Variants in TJAP1 observed in about 807,000 individuals in gnomAD.
TJAP1 encodes the protein tight junction associated protein 1.
In TJAP1, 27 loss-of-function variants were observed where a neutral mutation model predicts 42.0. The observed-to-expected ratio is 0.64, with a 90% confidence interval of 0.47 to 0.89. The LOEUF (loss-of-function observed/expected upper bound fraction) is 0.89, where lower values mean the gene tolerates loss of function less well. TJAP1 is among the 40% of genes least tolerant of loss of function. The probability of loss-of-function intolerance (pLI) is 0.00; values close to 1 mark genes in which losing one functional copy is unlikely to be tolerated. For missense variants in TJAP1, 712 were observed against 726.9 expected (o/e 0.98, Z 0.24); for synonymous variants, 257 against 288.4 (o/e 0.89, Z 1.10).
In TJAP1 at chr6:43,505,184, T is replaced by C; in HGVS notation, c.1003T>C (p.Ser335Pro). Residue 335 changes from serine (S) to proline (P), a missense_variant, in exon 11 of 11, where the codon TCT (serine) becomes CCT (proline). Around this residue, in one of 3 missense-constraint regions of TJAP1, gnomAD observed 549 missense variants for 528.2 expected, o/e 1.04. Transcript: ENST00000372449. This position sits in a 1 kb window ranked among gnomAD's most constrained non-coding sequence, Gnocchi z 5.5. ...TCCTGGCCGCAGGGTAATAGAGTTC[T>C]CTGAGGATAAGGTTCGGATCCCCCG... 1 of 1,614,192 alleles carries C rather than the reference T, an allele frequency of 6.2e-7. No individual in the cohort carries two copies. Among genetic ancestry groups the C allele is most frequent in the Non-Finnish European group, 8.5e-7 (1 of 1,180,036 alleles).
At chr6:43,498,483 G>C (rs1433941762) in intron 3 of TJAP1, among the ~76,000 whole-genome samples, 2 of 152,188 alleles carry the variant, frequency 1.3e-5, no homozygotes, top group Non-Finnish European at 1.5e-5. Flanking sequence ...CCAGGAGGTC[G>C]AGGCTGCAGT....
At position 43,491,972 on chromosome 6, in the gene TJAP1, G is replaced by A. The variant is rs936726331; in HGVS notation, c.-121-5909G>A. ...TGGAGTTGAGGCCTGGTTGAGGGCC[G>A]GTCCTTCACTTTGGCCTTTCTTAGG... On this transcript the variant is annotated intron_variant, in intron 2 of 10. Transcript: ENST00000372449. The surrounding 1 kb of genome is among the most constrained non-coding windows in gnomAD (Gnocchi z 4.6). 7.9e-5 allele frequency among the ~76,000 whole-genome samples: 12 copies of A among 152,214 alleles called. No individual in the cohort carries two copies. Among genetic ancestry groups the A allele is most frequent in the African/African-American group, 1.7e-4 (7 of 41,456 alleles).
In TJAP1 at chr6:43,505,577, G is replaced by T. The variant is rs1389624855; in HGVS notation, c.1396G>T (p.Glu466Ter). 3 of 1,613,596 alleles carry T rather than the reference G, an allele frequency of 1.9e-6. No homozygotes were observed. The African/African-American group carries it at 4.0e-5, about 22-fold the overall frequency. The change falls in exon 11 of 11, where the codon GAG (glutamate) becomes TAG (stop). Residue 466 changes from glutamate (E) to a stop codon, truncating the protein, a stop_gained. Coordinates refer to ENST00000372449, the Ensembl canonical transcript of TJAP1. LOFTEE classifies it high-confidence loss of function. The surrounding 1 kb of genome is among the most constrained non-coding windows in gnomAD (Gnocchi z 5.5). ...CCAGGCACCTTCTGCCCGACCCGAA[G>T]AGAGTGAGCTTTTGCTACCCACAGA...
chr6:43,495,606 T>TC lies in TJAP1; in HGVS notation c.-121-2274dup, dbSNP rs1788926212. On this transcript the variant is annotated intron_variant, in intron 2 of 10. Transcript: ENST00000372449. The surrounding 1 kb of genome is among the most constrained non-coding windows in gnomAD (Gnocchi z 4.6). ...GGGAGTGGTTTCCCATACCTGTAAC[T>TC]CTGACATGCGTGGAAAGAATAGGCT... Among the ~76,000 whole-genome samples the TC allele has an allele frequency of 6.6e-6, 1 of 151,498 alleles. No individual in the cohort carries two copies. Among genetic ancestry groups the TC allele is most frequent in the South Asian group, 2.1e-4 (1 of 4,820 alleles).
At chr6:43,481,149 G>C (rs1299470761) in intron 2 of TJAP1, among the ~76,000 whole-genome samples, 2 of 152,122 alleles carry the variant, frequency 1.3e-5, no homozygotes, top group African/African-American at 4.8e-5. Flanking sequence ...ATGTTTAGGG[G>C]CTGAGTTTTT....
chr6:43,501,757 CACTCTCTCT>C lies in TJAP1; in HGVS notation c.290+71_290+79del, dbSNP rs1237884039. The C allele has an allele frequency of 7.3e-4, 464 of 635,302 alleles. 1 individual carries two copies. Among genetic ancestry groups the C allele is most frequent in the South Asian group, 2.3e-3 (139 of 60,504 alleles). The allele number at this position is 635,302 out of a possible 1,614,324, so 39.4% of individuals were successfully genotyped here. On this transcript the variant is annotated intron_variant, in intron 6 of 10. Coordinates refer to ENST00000372449, the Ensembl canonical transcript of TJAP1. ...ACACACACACACACACACACACACACACTCTCTCTGTCTCTCTCTCTCTCTGTGTCTCTG... is the reference window on the plus strand; with the variant it reads ...ACACACACACACACACACACACACACGTCTCTCTCTCTCTCTGTGTCTCTG...
At chr6:43,487,033 C>T (rs1223764438) in intron 2 of TJAP1, among the ~76,000 whole-genome samples, 1 of 152,130 alleles carries the variant, frequency 6.6e-6, no homozygotes, top group Non-Finnish European at 1.5e-5. Flanking sequence ...GTGAGCCAGC[C>T]AGACTGGATT....
chr6:43,499,257 G>C, intron 4 of TJAP1, 157 bp downstream of exon 4: 1 of 1,137,836 alleles, frequency 8.8e-7, no homozygotes, highest in Non-Finnish European at 1.2e-6. Flanking sequence ...AGTAGTGCAG[G>C]TGGGGGTAAT....
chr6:43,503,785 C>T, intron 10 of TJAP1, 79 bp downstream of exon 10: 2 of 1,275,386 alleles, frequency 1.6e-6, no homozygotes, highest in Non-Finnish European at 2.3e-6. Context: ...AGTTTCTGCA[C>T]CTCTCTCTGT....
chr6:43,502,865 G>C, intron 8 of TJAP1: 1 of 581,766 alleles, frequency 1.7e-6, no homozygotes. Context: ...AAGCTTCTTG[G>C]CTCCAGTGGC....
At chr6:43,502,518 T>C in intron 7 of TJAP1, 70 bp from the exon 8 acceptor site, 1 of 1,537,174 alleles carries the variant, frequency 6.5e-7, no homozygotes, top group Non-Finnish European at 8.8e-7. Context: ...GTCTTAATGC[T>C]CACACTGTTT....
chr6:43,500,618 C>A, intron 4 of TJAP1, 126 bp from the exon 5 acceptor site: 1 of 1,002,710 alleles, frequency 1.0e-6, no homozygotes, highest in Non-Finnish European at 1.6e-6. Context: ...GAGAGCCCTG[C>A]AGCCCTCTTC....
intron 8 of TJAP1, chr6:43,503,148 C>G: frequency 1.9e-6 from 1 of 536,456 alleles, no homozygotes; most frequent in Non-Finnish European, 3.3e-6. Context: ...AGGGGATGGA[C>G]AGCTCTTATA....
intron 5 of TJAP1, 140 bp downstream of exon 5, chr6:43,500,912 A>G (rs112550823): frequency 1.1e-6 from 1 of 934,226 alleles, no homozygotes; most frequent in Non-Finnish European, 1.7e-6. Flanking sequence ...GGACTCTGGG[A>G]GGAGTGTTGA....
chr6:43,487,487 A>AT (rs1786790388), intron 2 of TJAP1, among the ~76,000 whole-genome samples: 1 of 152,046 alleles, frequency 6.6e-6, no homozygotes, highest in Admixed American at 6.6e-5. Context: ...TTGCACTGGT[A>AT]TTGGAGACAG....
chr6:43,493,146 TC>T (rs754086252), intron 2 of TJAP1, among the ~76,000 whole-genome samples: 4 of 152,222 alleles, frequency 2.6e-5, no homozygotes, highest in South Asian at 4.1e-4. Flanking sequence ...ATTACTAACT[TC>T]CGTTTGACTT....
At position 43,491,987 on chromosome 6, in the gene TJAP1, C is replaced by A. The variant is rs1256696520; in HGVS notation, c.-121-5894C>A. Among the ~76,000 whole-genome samples the A allele has an allele frequency of 6.6e-6, 1 of 152,192 alleles. No individual in the cohort carries two copies. Among genetic ancestry groups the A allele is most frequent in the Non-Finnish European group, 1.5e-5 (1 of 68,028 alleles). On this transcript the variant is annotated intron_variant, in intron 2 of 10. Coordinates refer to ENST00000372449, the Ensembl canonical transcript of TJAP1. This position sits in a 1 kb window ranked among gnomAD's most constrained non-coding sequence, Gnocchi z 4.6. Reference sequence around the variant, plus strand: ...GTTGAGGGCCGGTCCTTCACTTTGGCCTTTCTTAGGAGAGGGCATGGGGTC... The same window carrying A: ...GTTGAGGGCCGGTCCTTCACTTTGGACTTTCTTAGGAGAGGGCATGGGGTC...
Position 43,503,725 on chromosome 6 carries a change from C to T in TJAP1, c.579+19C>T. ...TGCCGATGTGAGTAGAACTCACCCC[C>T]TCCCTGCCCACATAGACCATTCCGG... is the stretch of plus-strand genomic sequence containing the variant. On this transcript the variant is annotated intron_variant, in intron 10 of 10. Coordinates refer to ENST00000372449, the Ensembl canonical transcript of TJAP1. The T allele has an allele frequency of 6.2e-7, 1 of 1,608,262 alleles. No individual in the cohort carries two copies. The highest frequency in any genetic ancestry group is 1.7e-4 in the Middle Eastern group (1 of 6,048).
chr6:43,490,544 C>G (rs1031132757), intron 2 of TJAP1, among the ~76,000 whole-genome samples: 7 of 152,190 alleles, frequency 4.6e-5, no homozygotes, highest in African/African-American at 1.7e-4. Flanking sequence ...AAGTTAGGAT[C>G]AGCTGCAAGG....
Sources: gnomAD v4.1 joint callset for allele counts (sites outside exome capture counted in the v4.1 genomes callset) on GRCh38, gnomAD v4.1.1 for gene constraint, gnomAD v4.1.1 regional missense constraint, Gnocchi (gnomAD v3.1) non-coding constraint, MANE v1.5 for transcripts, NCBI Gene and HGNC (gene_info 2026-07-23, HGNC 2026-07-21) for gene names.